PAK5: variants seen among roughly 807,000 people sequenced by gnomAD.
The protein encoded by PAK5 is p21 (RAC1) activated kinase 5, also known as serine/threonine-protein kinase PAK 5.
In PAK5, 16 loss-of-function variants were observed where a neutral mutation model predicts 65.9. The ratio of observed to expected loss-of-function variants is 0.24; its 90% CI spans 0.16 to 0.37. The LOEUF (loss-of-function observed/expected upper bound fraction) is 0.37. Among genes scored for constraint, PAK5 ranks in the 10% least tolerant of loss-of-function variants. The pLI is 1.00. For synonymous variants in PAK5, 371 were observed against 354.9 expected (o/e 1.05, Z -0.51); for missense variants, 785 against 903.9 (o/e 0.87, Z 1.69).
intron 1 of PAK5, among the ~76,000 whole-genome samples, chr20:9,827,670 A>C (rs1978374585): frequency 6.6e-6 from 1 of 152,172 alleles, no homozygotes; most frequent in Admixed American, 6.5e-5. Context: ...GTTTTCAATG[A>C]AGGTGTGATA....
intron 4 of PAK5, among the ~76,000 whole-genome samples, chr20:9,574,418 T>C (rs1168937343): frequency 2.6e-5 from 4 of 152,184 alleles, no homozygotes; most frequent in Non-Finnish European, 5.9e-5. Context: ...GTGTCTTCTA[T>C]TCAAGAGCAG....
intron 1 of PAK5, among the ~76,000 whole-genome samples, chr20:9,767,574 A>T (rs1043319330): frequency 1.3e-5 from 2 of 152,134 alleles, no homozygotes; most frequent in Non-Finnish European, 2.9e-5. Flanking sequence ...AGTATCTAAA[A>T]CTGAGCCTAG....
intron 2 of PAK5, among the ~76,000 whole-genome samples, chr20:9,707,895 G>A (rs1203811010): frequency 6.6e-6 from 1 of 152,128 alleles, no homozygotes; most frequent in Non-Finnish European, 1.5e-5. Flanking sequence ...CAAATCAGTA[G>A]AAGTCCCCAA....
At chr20:9,575,160 G>A (rs1208848294) in intron 4 of PAK5, among the ~76,000 whole-genome samples, 1 of 151,940 alleles carries the variant, frequency 6.6e-6, no homozygotes, top group Non-Finnish European at 1.5e-5. Flanking sequence ...AGGAAGTGCC[G>A]GGAAATCACA....
At chr20:9,688,716 C>A (rs952932803) in intron 2 of PAK5, among the ~76,000 whole-genome samples, 1 of 152,094 alleles carries the variant, frequency 6.6e-6, no homozygotes, top group African/African-American at 2.4e-5. Context: ...GGCACTCCAA[C>A]ACTTCACCTG....
At chr20:9,645,822 G>A (rs969947107) in intron 2 of PAK5, among the ~76,000 whole-genome samples, 15 of 152,184 alleles carry the variant, frequency 9.9e-5, no homozygotes, top group African/African-American at 3.1e-4. Flanking sequence ...TCCTGACCTC[G>A]TGATCCGCCC....
chr20:9,661,004 T>A (rs927145224), intron 2 of PAK5, among the ~76,000 whole-genome samples: 1 of 151,858 alleles, frequency 6.6e-6, no homozygotes, highest in African/African-American at 2.4e-5. Flanking sequence ...CTCTGAGGGG[T>A]GGTGCAGGGA....
chr20:9,713,126 G>T (rs548432501), intron 1 of PAK5, among the ~76,000 whole-genome samples: 1 of 152,094 alleles, frequency 6.6e-6, no homozygotes, highest in South Asian at 2.1e-4. Context: ...CATCTGACAA[G>T]AGGTTAATAA....
intron 4 of PAK5, among the ~76,000 whole-genome samples, chr20:9,573,790 A>G (rs1240035214): frequency 6.6e-6 from 1 of 152,230 alleles, no homozygotes; most frequent in African/African-American, 2.4e-5. Flanking sequence ...CTGTACCCAC[A>G]GAATGAGGAC....
chr20:9,749,023 T>C lies in PAK5; in HGVS notation c.-161-37588A>G, dbSNP rs117118604. ...CCATTACCGCAGGTTAGTTTGGTTA[T>C]CTTTAGTTTAAATTTATTGTGATTG... is the stretch of plus-strand genomic sequence containing the variant. On this transcript the variant is annotated intron_variant, in intron 1 of 9. Transcript: ENST00000353224. Among the ~76,000 whole-genome samples, 41 of 150,718 alleles carry C rather than the reference T, an allele frequency of 2.7e-4. No homozygotes were observed. In the East Asian group the frequency reaches 8.1e-3, roughly 30 times the overall value.
chr20:9,738,444 A>C (rs1256852933), intron 1 of PAK5, among the ~76,000 whole-genome samples: 1 of 152,238 alleles, frequency 6.6e-6, no homozygotes, highest in African/African-American at 2.4e-5. Context: ...ATGTATAAAC[A>C]ACTTGTGCTA....
intron 1 of PAK5, among the ~76,000 whole-genome samples, chr20:9,771,760 A>G (rs6056855): frequency 6.6e-6 from 1 of 151,848 alleles, no homozygotes; most frequent in Non-Finnish European, 1.5e-5. Flanking sequence ...TATTGCCATC[A>G]AGGAACAGTG....
intron 7 of PAK5, among the ~76,000 whole-genome samples, chr20:9,546,104 G>C (rs1350184539): frequency 7.9e-5 from 12 of 152,112 alleles, no homozygotes; most frequent in Non-Finnish European, 1.2e-4. Flanking sequence ...CAGCAGGGAG[G>C]TCTGACCCAG....
intron 1 of PAK5, among the ~76,000 whole-genome samples, chr20:9,734,325 G>C (rs561870450): frequency 3.3e-5 from 5 of 152,080 alleles, no homozygotes; most frequent in Admixed American, 2.0e-4. Context: ...AGCTAGGATG[G>C]CCTCCATGGA....
At chr20:9,612,879 T>C in intron 3 of PAK5, among the ~76,000 whole-genome samples, 1 of 152,184 alleles carries the variant, frequency 6.6e-6, no homozygotes, top group East Asian at 1.9e-4. Flanking sequence ...GTGATGTTTA[T>C]TAGTTTTTAC....
intron 2 of PAK5, among the ~76,000 whole-genome samples, chr20:9,697,829 A>T (rs1463783502): frequency 2.0e-5 from 3 of 152,118 alleles, no homozygotes; most frequent in Non-Finnish European, 2.9e-5. Context: ...TTAGGCTGAC[A>T]TAATTATTAA....
rs138353427 is a variant in PAK5, at chr20:9,580,661, C to T, written c.474G>A (p.Pro158=). Residue 158 remains proline, a synonymous_variant, in exon 4 of 10, where the codon CCG becomes CCA. Transcript: ENST00000353224. Reference sequence around the variant, plus strand: ...TGGCTGCGTGGCTGCCTCTATAATACGGATCCAGATCATCTCCATAGAGAC... The same window carrying T: ...TGGCTGCGTGGCTGCCTCTATAATATGGATCCAGATCATCTCCATAGAGAC... The part of the protein sequence containing the change: ...EKSLYGDDLD[P]YYRGSHAAKQ... 1.4e-5 allele frequency: 22 copies of T among 1,613,906 alleles called. No homozygotes were observed. The African/African-American group carries it at 1.9e-4, about 14-fold the overall frequency.
chr20:9,747,280 T>C (rs994758258), intron 1 of PAK5, among the ~76,000 whole-genome samples: 1 of 152,150 alleles, frequency 6.6e-6, no homozygotes, highest in Non-Finnish European at 1.5e-5. Flanking sequence ...GTACCATTCC[T>C]TCTGAAACTA....
intron 1 of PAK5, among the ~76,000 whole-genome samples, chr20:9,770,166 C>T (rs1215951116): frequency 6.6e-6 from 1 of 151,936 alleles, no homozygotes; most frequent in Admixed American, 6.6e-5. Context: ...AGAGGACGGT[C>T]GACTTCCTAA....
Sources: gnomAD v4.1 joint callset for allele counts (sites outside exome capture counted in the v4.1 genomes callset) on GRCh38, gnomAD v4.1.1 for gene constraint, MANE v1.5 for transcripts, NCBI Gene and HGNC (gene_info 2026-07-23, HGNC 2026-07-21) for gene names.